Variants in ANTXR2 observed in about 807,000 individuals in gnomAD.
ANTXR2 encodes ANTXR cell adhesion molecule 2, also known as anthrax toxin receptor 2.
Under a neutral mutation model 73.7 loss-of-function variants are expected in ANTXR2, and 44 were observed. The observed-to-expected ratio is 0.60, with a 90% CI of 0.47 to 0.77. The LOEUF (loss-of-function observed/expected upper bound fraction) is 0.77. Among genes scored for constraint, ANTXR2 ranks in the 30% least tolerant of loss-of-function variants. The probability of loss-of-function intolerance (pLI) is 0.00; values close to 1 mark genes in which losing one functional copy is unlikely to be tolerated. For missense variants in ANTXR2, 604 were observed against 592.5 expected, an observed-to-expected ratio of 1.02 and a Z score of -0.20; for synonymous variants, 217 against 205.9, an observed-to-expected ratio of 1.05 and a Z score of -0.46.
At chr4:80,032,922 C>T (rs1421249370) in intron 9 of ANTXR2, among the ~76,000 whole-genome samples, 2 of 144,658 alleles carry the variant, frequency 1.4e-5, no homozygotes, top group Admixed American at 1.4e-4. Context: ...ATTTGAGATG[C>T]AAAAATCTAT....
intron 16 of ANTXR2, among the ~76,000 whole-genome samples, chr4:79,935,677 A>G (rs1330343545): frequency 2.6e-5 from 4 of 152,228 alleles, no homozygotes; most frequent in Non-Finnish European, 5.9e-5. Flanking sequence ...TAGTGAGAAG[A>G]AAGTCTTATT....
Position 80,061,801 on chromosome 4 carries a change from C to A in ANTXR2, c.297-5788G>T, listed in dbSNP as rs188145454. ...TTTATTGTCTCCTTCCATTAATAAA[C>A]CACAAAATTAACCTGAGTAAGAAAA... is the stretch of plus-strand genomic sequence containing the variant. On this transcript the variant is annotated intron_variant, in intron 3 of 16. Coordinates refer to ENST00000403729, the MANE Select transcript of ANTXR2 (RefSeq NM_058172.6). Among the ~76,000 whole-genome samples the A allele has an allele frequency of 6.6e-4, 101 of 152,150 alleles. No individual in the cohort carries two copies. In the East Asian group the frequency reaches 0.019, roughly 29 times the overall value.
chr4:80,064,455 C>T lies in ANTXR2; in HGVS notation c.296+4981G>A, dbSNP rs112570585. Among the ~76,000 whole-genome samples, 129 of 152,300 alleles carry T rather than the reference C, an allele frequency of 8.5e-4. 2 individuals are homozygous for T. Among genetic ancestry groups the T allele is most frequent in the African/African-American group, 2.9e-3 (121 of 41,568 alleles). On this transcript the variant is annotated intron_variant, in intron 3 of 16. Transcript: ENST00000403729. ...TATTGAGCATCTACTGAGCATCAGG[C>T]TCTGTTCTAGGTGTTGGGATACATG... is the stretch of plus-strand genomic sequence containing the variant.
At position 79,993,477 on chromosome 4, in the gene ANTXR2, G is replaced by A. The variant is rs148257511; in HGVS notation, c.1042-8614C>T. 4.5e-3 allele frequency among the ~76,000 whole-genome samples: 690 copies of A among 151,762 alleles called. 9 individuals are homozygous for A. Among genetic ancestry groups the A allele is most frequent in the African/African-American group, 0.016 (655 of 41,394 alleles). ...AAAGCATATTCTCAAGATTCTTTGGGCCTTAAATGTACCTAGTACAACATT... is the reference window on the plus strand; with the variant it reads ...AAAGCATATTCTCAAGATTCTTTGGACCTTAAATGTACCTAGTACAACATT... On this transcript the variant is annotated intron_variant, in intron 12 of 16. Transcript: ENST00000403729.
intron 16 of ANTXR2, among the ~76,000 whole-genome samples, chr4:79,931,361 C>A (rs1277015417): frequency 6.6e-6 from 1 of 152,054 alleles, no homozygotes; most frequent in Non-Finnish European, 1.5e-5. Flanking sequence ...ACACCAGCTG[C>A]AAATATTTTG....
chr4:79,915,862 C>CTCTCTCTCTATATATA (rs377006532), intron 16 of ANTXR2, among the ~76,000 whole-genome samples: 1 of 123,878 alleles, frequency 8.1e-6, no homozygotes, highest in Non-Finnish European at 1.7e-5. Context: ...CTCTCTCTCT[C>CTCTCTCTCTATATATA]TATATATATA....
chr4:79,946,535 C>T (rs377016843), intron 16 of ANTXR2, among the ~76,000 whole-genome samples: 2 of 151,978 alleles, frequency 1.3e-5, no homozygotes, highest in African/African-American at 4.8e-5. Context: ...ATATGGGCAG[C>T]CCCAGGCAGG....
intron 12 of ANTXR2, among the ~76,000 whole-genome samples, chr4:79,992,055 GCAACACATAATTTACC>G (rs1430476157): frequency 6.6e-6 from 1 of 151,820 alleles, no homozygotes; most frequent in Non-Finnish European, 1.5e-5. Flanking sequence ...CCAAACACCA[GCAACACATAATTTACC>G]CCTGTAACAA....
chr4:79,945,510 A>C (rs982530217), intron 16 of ANTXR2, among the ~76,000 whole-genome samples: 14 of 152,150 alleles, frequency 9.2e-5, no homozygotes, highest in African/African-American at 2.7e-4. Flanking sequence ...TAAATCTCAC[A>C]AAAAATAAAG....
intron 16 of ANTXR2, among the ~76,000 whole-genome samples, chr4:79,965,546 T>C (rs1729329852): frequency 6.6e-6 from 1 of 152,242 alleles, no homozygotes; most frequent in African/African-American, 2.4e-5. Flanking sequence ...CACATGGAAC[T>C]TGTATACCTG....
chr4:80,050,988 T>C (rs1345868632), intron 7 of ANTXR2, among the ~76,000 whole-genome samples: 3 of 151,546 alleles, frequency 2.0e-5, no homozygotes, highest in African/African-American at 7.3e-5. Context: ...CCCCCATACC[T>C]CCCATGATCC....
At chr4:79,995,017 A>C (rs376147699) in intron 12 of ANTXR2, among the ~76,000 whole-genome samples, 108 of 151,864 alleles carry the variant, frequency 7.1e-4, no homozygotes, top group African/African-American at 2.5e-3. Context: ...TACAATGATC[A>C]TTTTCCTGTT....
intron 11 of ANTXR2, among the ~76,000 whole-genome samples, chr4:80,010,530 A>G (rs944731205): frequency 3.3e-5 from 5 of 152,190 alleles, no homozygotes; most frequent in African/African-American, 1.2e-4. Context: ...AAAGGGCTCT[A>G]TGAACATTTG....
intron 2 of ANTXR2, among the ~76,000 whole-genome samples, chr4:80,070,122 G>A (rs188049738): frequency 2.6e-5 from 4 of 152,132 alleles, no homozygotes; most frequent in African/African-American, 7.2e-5. Context: ...CTCACAGAAC[G>A]GTTCTTGCTT....
At chr4:79,929,046 T>G (rs1314741373) in intron 16 of ANTXR2, among the ~76,000 whole-genome samples, 1 of 152,058 alleles carries the variant, frequency 6.6e-6, no homozygotes, top group African/African-American at 2.4e-5. Flanking sequence ...TAATTTAGAG[T>G]GCGGGGCAAA....
chr4:80,022,214 A>G (rs1732197490), intron 10 of ANTXR2, among the ~76,000 whole-genome samples: 1 of 152,194 alleles, frequency 6.6e-6, no homozygotes. Flanking sequence ...CTACATTCAC[A>G]TATTTCTCAT....
chr4:79,952,226 TA>T, intron 16 of ANTXR2, among the ~76,000 whole-genome samples: 1 of 150,846 alleles, frequency 6.6e-6, no homozygotes, highest in East Asian at 1.9e-4. Context: ...CTAATTAGAT[TA>T]GATTCTAATT....
In ANTXR2 at chr4:80,008,762, G is replaced by A; in HGVS notation, c.946-146C>T. The A allele has an allele frequency of 6.3e-6, 3 of 472,514 alleles. No individual in the cohort carries two copies. In the Admixed American group the frequency reaches 1.3e-4, roughly 20 times the overall value. The allele number at this position is 472,514 out of a possible 1,614,324, so 29.3% of individuals were successfully genotyped here. A position where few individuals can be genotyped will look rare whatever the true frequency, so the allele number is the denominator to read the frequency against. On this transcript the variant is annotated intron_variant, in intron 11 of 16. Coordinates refer to ENST00000403729, the MANE Select transcript of ANTXR2 (RefSeq NM_058172.6). ...TTTAACTATATTATTTTAATTTCTTGAAATTCTACAAATGTATCTTCTATT... is the reference window on the plus strand; with the variant it reads ...TTTAACTATATTATTTTAATTTCTTAAAATTCTACAAATGTATCTTCTATT...
chr4:79,953,060 A>G (rs550162523), intron 16 of ANTXR2, among the ~76,000 whole-genome samples: 1 of 152,032 alleles, frequency 6.6e-6, no homozygotes, highest in African/African-American at 2.4e-5. Flanking sequence ...GAATGTAAGG[A>G]CTGAGGTGTC....
Sources: allele counts gnomAD v4.1 joint callset (sites outside exome capture counted in the v4.1 genomes callset), GRCh38; gene constraint gnomAD v4.1.1; transcripts MANE v1.5; gene names NCBI Gene and HGNC (gene_info 2026-07-23, HGNC 2026-07-21).